Variants in ZNG1B observed in about 807,000 individuals in gnomAD.
ZNG1B encodes Zn regulated GTPase metalloprotein activator 1B.
At chr2:113,444,242 T>C in the ZNG1B span, 3 of 325,020 alleles carry the variant, frequency 9.2e-6, no homozygotes, top group Non-Finnish European at 1.2e-5. Context: ...CCTTACATTA[T>C]GTTCTACTAG....
the ZNG1B span, chr2:113,439,053 A>G: frequency 5.4e-5 from 83 of 1,539,788 alleles, no homozygotes; most frequent in Middle Eastern, 9.2e-4. Context: ...GAAGATGAAC[A>G]AATTTCTTGT....
chr2:113,455,638 A>G, the ZNG1B span: 1 of 1,287,136 alleles, frequency 7.8e-7, no homozygotes, highest in Non-Finnish European at 1.0e-6. Context: ...GATAGGGCCC[A>G]AAGCAGTAAT....
the ZNG1B span, among the ~76,000 whole-genome samples, chr2:113,458,038 AGTT>A: frequency 4.0e-5 from 6 of 148,480 alleles, no homozygotes; most frequent in African/African-American, 9.9e-5. Flanking sequence ...CAAAAGCCAT[AGTT>A]GTTAAGCAGA....
chr2:113,440,559 G>A, the ZNG1B span, among the ~76,000 whole-genome samples: 6 of 152,094 alleles, frequency 3.9e-5, no homozygotes, highest in East Asian at 1.2e-3. Context: ...AAAAAGCTTT[G>A]AAAGGAATAT....
chr2:113,484,079 GTC>G, the ZNG1B span, among the ~76,000 whole-genome samples: 4 of 139,206 alleles, frequency 2.9e-5, no homozygotes, highest in African/African-American at 1.1e-4. Context: ...CATGGCTGAG[GTC>G]TCTCTAACAG....
chr2:113,443,257 G>A, the ZNG1B span, among the ~76,000 whole-genome samples: 2 of 151,854 alleles, frequency 1.3e-5, no homozygotes, highest in South Asian at 2.1e-4. Flanking sequence ...TGAGCACATG[G>A]TACACTGGCC....
the ZNG1B span, among the ~76,000 whole-genome samples, chr2:113,488,384 C>T: frequency 5.2e-3 from 787 of 152,268 alleles, 7 homozygotes; most frequent in South Asian, 0.038. Context: ...CAGCCCTAGA[C>T]ATTCTCTCTG....
the ZNG1B span, among the ~76,000 whole-genome samples, chr2:113,477,781 T>C: frequency 6.6e-6 from 1 of 152,198 alleles, no homozygotes; most frequent in Non-Finnish European, 1.5e-5. Context: ...TTTCACTCTT[T>C]ATAACTGAAG....
the ZNG1B span, among the ~76,000 whole-genome samples, chr2:113,441,947 C>T: frequency 3.7e-4 from 57 of 152,250 alleles, no homozygotes; most frequent in East Asian, 0.011. Flanking sequence ...ACCATGTTGG[C>T]CAGGATGGTC....
At chr2:113,487,474 C>T in the ZNG1B span, among the ~76,000 whole-genome samples, 2 of 152,084 alleles carry the variant, frequency 1.3e-5, no homozygotes, top group Admixed American at 6.5e-5. Context: ...ATATAGCAGA[C>T]CTCTAGAACT....
At chr2:113,439,493 C>CT in the ZNG1B span, among the ~76,000 whole-genome samples, 1 of 152,206 alleles carries the variant, frequency 6.6e-6, no homozygotes, top group South Asian at 2.1e-4. Context: ...AATCTGGAGT[C>CT]TTGCTGCCCT....
At chr2:113,490,522 C>A in the ZNG1B span, among the ~76,000 whole-genome samples, 1 of 151,742 alleles carries the variant, frequency 6.6e-6, no homozygotes, top group African/African-American at 2.4e-5. Flanking sequence ...CAAAAAAAAT[C>A]CAAAAGATAA....
At chr2:113,476,714 G>T in the ZNG1B span, among the ~76,000 whole-genome samples, 2 of 151,964 alleles carry the variant, frequency 1.3e-5, no homozygotes, top group East Asian at 3.9e-4. Context: ...TGTCCTTTCT[G>T]TTTGTTAGTT....
chr2:113,463,135 TG>T, the ZNG1B span, among the ~76,000 whole-genome samples: 2 of 151,966 alleles, frequency 1.3e-5, no homozygotes, highest in East Asian at 1.9e-4. Context: ...TGCTCAAATA[TG>T]TGCTAACAGT....
chr2:113,445,088 A>G, the ZNG1B span: 1 of 1,602,860 alleles, frequency 6.2e-7, no homozygotes, highest in Non-Finnish European at 8.5e-7. Context: ...ACCAGAATAT[A>G]GTTCTGTGAT....
At chr2:113,440,257 T>C in the ZNG1B span, among the ~76,000 whole-genome samples, 1 of 152,272 alleles carries the variant, frequency 6.6e-6, no homozygotes, top group Admixed American at 6.5e-5. Flanking sequence ...AGCATAAATC[T>C]GTAACGTATT....
the ZNG1B span, chr2:113,447,341 G>T: frequency 2.8e-6 from 1 of 362,452 alleles, no homozygotes. Context: ...ATGTGTAATA[G>T]AATTGTCTAA....
the ZNG1B span, among the ~76,000 whole-genome samples, chr2:113,438,333 C>G: frequency 1.3e-5 from 2 of 152,152 alleles, no homozygotes; most frequent in African/African-American, 4.8e-5. Context: ...TCTTACCTTC[C>G]TGACGCTCAT....
the ZNG1B span, chr2:113,462,366 A>G: frequency 1.3e-6 from 2 of 1,569,256 alleles, no homozygotes; most frequent in Non-Finnish European, 1.7e-6. Flanking sequence ...ATGCGTGTAT[A>G]TTATTTAAAG....
Sources: gnomAD v4.1 joint callset for allele counts (sites outside exome capture counted in the v4.1 genomes callset) on GRCh38, gnomAD v4.1.1 for gene constraint, MANE v1.5 for transcripts, NCBI Gene and HGNC (gene_info 2026-07-23, HGNC 2026-07-21) for gene names.